The following DIDO1 variants were observed in gnomAD, a reference collection of about 807,000 sequenced individuals.
DIDO1 encodes the protein death-inducer obliterator 1.
DIDO1 carries 16 observed loss-of-function variants against 99.4 expected under a neutral mutation model. The observed-to-expected ratio is 0.16, with a 90% CI of 0.11 to 0.24. The LOEUF is 0.24. Among genes scored for constraint, DIDO1 ranks in the 10% least tolerant of loss-of-function variants. The pLI, the probability that DIDO1 is intolerant of heterozygous loss-of-function variation, is 1.00. For synonymous variants in DIDO1, 1,366 were observed against 1,239.1 expected (o/e 1.10, Z -2.15); for missense variants, 2,996 against 3,014.0 (o/e 0.99, Z 0.14).
At position 62,896,722 on chromosome 20, in the gene DIDO1, T is replaced by A; in HGVS notation, c.1863A>T (p.Ala621=). The change falls in exon 7 of 16, where the codon GCA becomes GCT. Residue 621 remains alanine (A), a synonymous_variant. Transcript: ENST00000395343. This position sits in a 1 kb window ranked among gnomAD's most constrained non-coding sequence, Gnocchi z 4.4. ...ARQAGPAPAA[A]TAASKKFPGS... Reference sequence around the variant, plus strand: ...CAGGGAACTTCTTGGAGGCAGCCGTTGCCGCTGCAGGTGCCGGTCCGGCCT... The same window carrying A: ...CAGGGAACTTCTTGGAGGCAGCCGTAGCCGCTGCAGGTGCCGGTCCGGCCT... The A allele has an allele frequency of 6.2e-7, 1 of 1,613,414 alleles. No homozygotes were observed.
chr20:62,879,187 T>C lies in DIDO1; in HGVS notation c.*46A>G. ...TTTCAAAAGCTATTTGTTCAACGCATCTTACGAACGTGGCTTTAAAAAGGG... is the reference window on the plus strand; with the variant it reads ...TTTCAAAAGCTATTTGTTCAACGCACCTTACGAACGTGGCTTTAAAAAGGG... On this transcript the variant is annotated 3_prime_UTR_variant, in exon 16 of 16. Transcript: ENST00000395343. The surrounding 1 kb of genome is among the most constrained non-coding windows in gnomAD (Gnocchi z 6.3). 2.1e-6 allele frequency: 3 copies of C among 1,428,732 alleles called. No individual in the cohort carries two copies. The highest frequency in any genetic ancestry group is 2.7e-6 in the Non-Finnish European group (3 of 1,093,726). The allele number at this position is 1,428,732 out of a possible 1,614,324, so 88.5% of individuals were successfully genotyped here.
chr20:62,902,928 ACCATCTCAAAATTTTGAGAATT>A (rs752137259), intron 6 of DIDO1, among the ~76,000 whole-genome samples: 105 of 152,328 alleles, frequency 6.9e-4, no homozygotes, highest in Non-Finnish European at 1.1e-3. Context: ...CCTATCAAAT[ACCATCTCAAAATTTTGAGAATT>A]CCATCTCAAA....
chr20:62,900,946 C>CTCA (rs2064658935), intron 6 of DIDO1, among the ~76,000 whole-genome samples: 1 of 152,222 alleles, frequency 6.6e-6, no homozygotes, highest in African/African-American at 2.4e-5. Context: ...CTCAGTGAGG[C>CTCA]GTGTGTACAA....
upstream of DIDO1, among the ~76,000 whole-genome samples, chr20:62,930,403 G>A (rs541421044): frequency 1.3e-5 from 2 of 152,186 alleles, no homozygotes; most frequent in Non-Finnish European, 2.9e-5. Context: ...GTAACATAAG[G>A]GGAACCGGCA....
chr20:62,887,914 G>A (rs905174121), intron 15 of DIDO1: 95 of 984,970 alleles, frequency 9.6e-5, no homozygotes, highest in Admixed American at 1.2e-4. Context: ...CCCCCACTGC[G>A]GGGCAGAGGG....
chr20:62,910,716 A>C, intron 3 of DIDO1, 58 bp downstream of exon 3: 1 of 1,552,624 alleles, frequency 6.4e-7, no homozygotes, highest in Non-Finnish European at 8.8e-7. Context: ...AAATGAAAAC[A>C]AATGGAAAAT....
chr20:62,906,354 T>A (rs181773600), intron 5 of DIDO1, among the ~76,000 whole-genome samples: 219 of 151,966 alleles, frequency 1.4e-3, no homozygotes, highest in African/African-American at 4.9e-3. Context: ...TGGCACAGAG[T>A]CACCTGCAAC....
rs753916267 is a variant in DIDO1 at position 62,879,558 on chromosome 20, C to T, written c.6398G>A (p.Arg2133Gln). Reference protein sequence around the residue: ...WSRERDWDRPREWDRHRDKDS... With the variant: ...WSRERDWDRPQEWDRHRDKDS... ...CTTGTCCCGGTGTCGGTCCCACTCC[C>T]GGGGCCGGTCCCAGTCCCGCTCTCG... Residue 2133 changes from arginine (R) to glutamine (Q), a missense_variant, in exon 16 of 16, where the codon CGG becomes CAG. Arg to Gln is a conservative substitution (Grantham distance 43). This residue lies in a region of DIDO1 where 1,562 missense variants were observed against 1,412.6 expected (regional missense o/e 1.11). Coordinates refer to ENST00000395343, the MANE Select transcript of DIDO1 (RefSeq NM_001193369.2). This position sits in a 1 kb window ranked among gnomAD's most constrained non-coding sequence, Gnocchi z 6.3. 4 of 1,601,282 alleles carry T rather than the reference C, an allele frequency of 2.5e-6. No individual in the cohort carries two copies. The highest frequency in any genetic ancestry group is 1.3e-5 in the African/African-American group (1 of 74,886).
chr20:62,884,987 G>A lies in DIDO1; in HGVS notation c.3542-2573C>T, dbSNP rs546848991. Among the ~76,000 whole-genome samples the A allele has an allele frequency of 9.2e-5, 14 of 152,302 alleles. No individual in the cohort carries two copies. In the South Asian group the frequency reaches 2.1e-3, roughly 23 times the overall value. On this transcript the variant is annotated intron_variant, in intron 15 of 15. Transcript: ENST00000395343. Reference sequence around the variant, plus strand: ...ACATGAGTTGAACATATTTTAAAACGGTATTTCTCTCAGCACAACAGCTAT... The same window carrying A: ...ACATGAGTTGAACATATTTTAAAACAGTATTTCTCTCAGCACAACAGCTAT...
At chr20:62,902,405 G>C (rs2064703154) in intron 6 of DIDO1, among the ~76,000 whole-genome samples, 1 of 152,178 alleles carries the variant, frequency 6.6e-6, no homozygotes, top group African/African-American at 2.4e-5. Context: ...AGAGATTGGT[G>C]GACACGTAGA....
chr20:62,923,721 T>G (rs1188287935), intron 1 of DIDO1, among the ~76,000 whole-genome samples: 1 of 152,252 alleles, frequency 6.6e-6, no homozygotes, highest in Non-Finnish European at 1.5e-5. Context: ...ATCAAACACA[T>G]TAAGGTATCT....
At chr20:62,891,456 C>T (rs2064396581) in intron 14 of DIDO1, among the ~76,000 whole-genome samples, 1 of 152,112 alleles carries the variant, frequency 6.6e-6, no homozygotes, top group South Asian at 2.1e-4. Context: ...AGGGTCTAGC[C>T]CTTTCGTGAA....
intron 1 of DIDO1, among the ~76,000 whole-genome samples, chr20:62,921,777 A>T (rs557867945): frequency 1.3e-5 from 2 of 151,144 alleles, no homozygotes; most frequent in Admixed American, 6.6e-5. Context: ...TGGGACTACA[A>T]GCATGCACTA....
At chr20:62,882,466 C>T (rs1341714918) in intron 15 of DIDO1, 52 bp from the exon 16 acceptor site, 1 of 1,521,718 alleles carries the variant, frequency 6.6e-7, no homozygotes, top group Admixed American at 2.0e-5. Context: ...CAGCTTTTAC[C>T]CTTTAGAGGT....
Position 62,880,994 on chromosome 20 carries a change from AGGCCTG to A in DIDO1, c.4956_4961del (p.Arg1653_Pro1654del). 1.2e-6 allele frequency: 2 copies of A among 1,605,596 alleles called. No individual in the cohort carries two copies. Among genetic ancestry groups the A allele is most frequent in the Non-Finnish European group, 1.7e-6 (2 of 1,178,880 alleles). On this transcript the variant is annotated inframe_deletion, in exon 16 of 16. Transcript: ENST00000395343. ...GTGTGGGCAGCAGCACCCTCCGGGCAGGCCTGGCCGAGCTGTCTCCAACCGTGGCGG... is the reference window on the plus strand; with the variant it reads ...GTGTGGGCAGCAGCACCCTCCGGGCAGCCGAGCTGTCTCCAACCGTGGCGG...
In DIDO1 at chr20:62,880,263, G is replaced by C; in HGVS notation, c.5693C>G (p.Ser1898Cys). 1 of 1,612,708 alleles carries C rather than the reference G, an allele frequency of 6.2e-7. No homozygotes were observed. The highest frequency in any genetic ancestry group is 8.5e-7 in the Non-Finnish European group (1 of 1,179,948). ...GCCGCCTCGGGGGCCTTTCAGCTGA[G>C]ACAGCAGTGGCCTTCTCTGGCCTCC... ...QFGGQRRPLL[S>C]QLKGPRGGPP... Residue 1898 changes from serine (S) to cysteine (C), a missense_variant, in exon 16 of 16, where the codon TCT (serine) becomes TGT (cysteine). This residue lies in a region of DIDO1 where 1,562 missense variants were observed against 1,412.6 expected (regional missense o/e 1.11). Transcript: ENST00000395343.
rs202189712 is a variant in DIDO1 at position 62,922,049 on chromosome 20, AAT to A, written c.-200+4388_-200+4389del. ...ATATCCACACGATATATATACACAC[AAT>A]ATATATATACACACACTATATACAC... On this transcript the variant is annotated intron_variant, in intron 1 of 15. Transcript: ENST00000395343. Among the ~76,000 whole-genome samples, 103 of 123,138 alleles carry A rather than the reference AAT, an allele frequency of 8.4e-4. 1 individual carries two copies. In the East Asian group the frequency reaches 0.013, roughly 16 times the overall value. The allele number at this position is 123,138 out of a possible 152,430, so 80.8% of individuals were successfully genotyped here.
chr20:62,917,843 A>G (rs938378451), intron 1 of DIDO1, among the ~76,000 whole-genome samples: 3 of 152,188 alleles, frequency 2.0e-5, no homozygotes, highest in African/African-American at 7.2e-5. Context: ...TGTCAAACTC[A>G]CCAGAAAAGG....
At chr20:62,936,130 A>C (rs941665865) in intron 1 of DIDO1, among the ~76,000 whole-genome samples, 1 of 152,228 alleles carries the variant, frequency 6.6e-6, no homozygotes, top group African/African-American at 2.4e-5. Context: ...CTTGACGTTC[A>C]GGCTGGGCAT....
Sources: allele counts gnomAD v4.1 joint callset (sites outside exome capture counted in the v4.1 genomes callset), GRCh38; gene constraint gnomAD v4.1.1; regional missense constraint gnomAD v4.1.1; non-coding constraint Gnocchi (gnomAD v3.1); transcripts MANE v1.5; gene names NCBI Gene and HGNC (gene_info 2026-07-23, HGNC 2026-07-21).